The following IQCF3 variants were observed in gnomAD, a reference collection of about 807,000 sequenced individuals.
IQCF3 encodes IQ domain-containing protein F3.
A neutral mutation model predicts 5.1 loss-of-function variants in IQCF3; 7 were observed. The observed-to-expected ratio is 1.36, with a 90% CI of 0.78 to 2.56. The LOEUF is 2.56. IQCF3 is among the 30% of genes most tolerant of loss of function. The pLI, the probability that IQCF3 is intolerant of heterozygous loss-of-function variation, is 0.00. For missense variants in IQCF3, 189 were observed against 196.5 expected (o/e 0.96, Z 0.23); for synonymous variants, 82 against 72.8 (o/e 1.13, Z -0.64).
At chr3:51,827,648 AGTTTTG>A (rs1559721160), upstream of IQCF3, among the ~76,000 whole-genome samples, 1 of 151,460 alleles carries the variant, frequency 6.6e-6, no homozygotes, top group South Asian at 2.1e-4. Flanking sequence ...GGTGGTTTTT[AGTTTTG>A]GTTTTGGTTT....
At chr3:51,829,857 T>A in intron 2 of IQCF3, 145 bp downstream of exon 2, 4 of 794,444 alleles carry the variant, frequency 5.0e-6, no homozygotes, top group Non-Finnish European at 8.3e-6. Flanking sequence ...GAGTAAGGTA[T>A]GGAGATAGAC....
In IQCF3 at chr3:51,830,353, G is replaced by A; in HGVS notation, c.67-50G>A. On this transcript the variant is annotated intron_variant, in intron 2 of 2. Transcript: ENST00000440739. This position sits in a 1 kb window ranked among gnomAD's most constrained non-coding sequence, Gnocchi z 4.1. ...GGGCTGATTCTTTAGAGAACCACCT[G>A]TGCTTGATGGTGATAAATTCACTGG... 2 of 1,513,430 alleles carry A rather than the reference G, an allele frequency of 1.3e-6. No individual in the cohort carries two copies. The highest frequency in any genetic ancestry group is 1.4e-5 in the African/African-American group (1 of 71,690). 93.8% of individuals were successfully genotyped at this position (1,513,430 alleles called of 1,614,324 possible). A position where few individuals can be genotyped will look rare whatever the true frequency, so the allele number is the denominator to read the frequency against.
chr3:51,828,468 A>T (rs1458055489), upstream of IQCF3: 1 of 152,224 alleles, frequency 6.6e-6, no homozygotes, highest in Admixed American at 6.5e-5. Flanking sequence ...TATGTGATTA[A>T]TCACATTTTA....
At chr3:51,827,952 A>G (rs895283313), upstream of IQCF3, among the ~76,000 whole-genome samples, 4 of 152,254 alleles carry the variant, frequency 2.6e-5, no homozygotes, top group African/African-American at 7.2e-5. Context: ...CTAAGCCACT[A>G]TGAGTCCTGG....
At position 51,830,543 on chromosome 3, in the gene IQCF3, G is replaced by T; in HGVS notation, c.207G>T (p.Thr69=). The T allele has an allele frequency of 6.2e-7, 1 of 1,614,004 alleles. No individual in the cohort carries two copies. Among genetic ancestry groups the T allele is most frequent in the Non-Finnish European group, 8.5e-7 (1 of 1,179,884 alleles). Residue 69 remains threonine, a synonymous_variant, in exon 3 of 3, where the codon ACG becomes ACT. Coordinates refer to ENST00000440739, the MANE Select transcript of IQCF3 (RefSeq NM_001393887.1). This position sits in a 1 kb window ranked among gnomAD's most constrained non-coding sequence, Gnocchi z 4.1. ...GGATGATTCAGTGCTGGTGGAGGAC[G>T]TTGGTGCAGAGACGGATCCGTCAGC... ...RAWMIQCWWR[T]LVQRRIRQRR...
In IQCF3 at chr3:51,830,025, G is replaced by A. The variant is rs979166507; in HGVS notation, c.66+313G>A. Among the ~76,000 whole-genome samples, 8 of 152,170 alleles carry A rather than the reference G, an allele frequency of 5.3e-5. No homozygotes were observed. The highest frequency in any genetic ancestry group is 7.2e-5 in the African/African-American group (3 of 41,418). On this transcript the variant is annotated intron_variant, in intron 2 of 2. Transcript: ENST00000440739. The surrounding 1 kb of genome is among the most constrained non-coding windows in gnomAD (Gnocchi z 4.1). Reference sequence around the variant, plus strand: ...AGACCCCAAAGGGCTGCAGCACCACGCAAGACATTAGGAGGCAGCATCATG... The same window carrying A: ...AGACCCCAAAGGGCTGCAGCACCACACAAGACATTAGGAGGCAGCATCATG...
upstream of IQCF3, chr3:51,828,360 TTA>T (rs1417446170): frequency 1.1e-4 from 16 of 152,192 alleles, no homozygotes; most frequent in African/African-American, 3.6e-4. Flanking sequence ...AGTACCTAGT[TTA>T]TTGAGAGTTT....
At position 51,830,717 on chromosome 3, in the gene IQCF3, C is replaced by T. The variant is rs1189401996; in HGVS notation, c.381C>T (p.Ala127=). The change falls in exon 3 of 3, where the codon GCC becomes GCT. Residue 127 remains alanine (A), a synonymous_variant. Coordinates refer to ENST00000440739, the MANE Select transcript of IQCF3 (RefSeq NM_001393887.1). The surrounding 1 kb of genome is among the most constrained non-coding windows in gnomAD (Gnocchi z 4.1). ...TCCAGGTCCCAGAGAGCAGCCTTGCCTTCCAGACTGATGGCTTTTTACAGG... is the reference window on the plus strand; with the variant it reads ...TCCAGGTCCCAGAGAGCAGCCTTGCTTTCCAGACTGATGGCTTTTTACAGG... ...CLFQVPESSL[A]FQTDGFLQVQ... is the part of the protein sequence containing the mutation. 1 of 1,613,712 alleles carries T rather than the reference C, an allele frequency of 6.2e-7. No homozygotes were observed. The highest frequency in any genetic ancestry group is 1.7e-5 in the Admixed American group (1 of 59,992).
rs763868886 is a variant in IQCF3 at position 51,830,805 on chromosome 3, G to T, written c.*4G>T. 22 of 1,561,182 alleles carry T rather than the reference G, an allele frequency of 1.4e-5. No individual in the cohort carries two copies. Among genetic ancestry groups the T allele is most frequent in the Non-Finnish European group, 1.8e-5 (21 of 1,151,498 alleles). On this transcript the variant is annotated 3_prime_UTR_variant, in exon 3 of 3. Transcript: ENST00000440739. This position sits in a 1 kb window ranked among gnomAD's most constrained non-coding sequence, Gnocchi z 4.1. ...CATTGAAATCCTATCAATCTGAAAGGCCTGGGGCATGGAGAACAGGCTGCA... is the reference window on the plus strand; with the variant it reads ...CATTGAAATCCTATCAATCTGAAAGTCCTGGGGCATGGAGAACAGGCTGCA...
chr3:51,830,554 G>A lies in IQCF3; in HGVS notation c.218G>A (p.Arg73Lys), dbSNP rs942174617. 2 of 1,613,914 alleles carry A rather than the reference G, an allele frequency of 1.2e-6. No homozygotes were observed. Among genetic ancestry groups the A allele is most frequent in the East Asian group, 2.2e-5 (1 of 44,894 alleles). Reference protein sequence around the residue: ...IQCWWRTLVQRRIRQRRQALL... With the variant: ...IQCWWRTLVQKRIRQRRQALL... The stretch of plus-strand genomic sequence containing the variant: ...TGCTGGTGGAGGACGTTGGTGCAGA[G>A]ACGGATCCGTCAGCGGCGGCAGGCC... Residue 73 changes from arginine to lysine, a missense_variant, in exon 3 of 3, where the codon AGA becomes AAA. Physicochemically the swap from Arg to Lys is conservative, Grantham distance 26. Transcript: ENST00000440739. This position sits in a 1 kb window ranked among gnomAD's most constrained non-coding sequence, Gnocchi z 4.1.
At chr3:51,827,413 A>T (rs1443105461), upstream of IQCF3, 1 of 152,192 alleles carries the variant, frequency 6.6e-6, no homozygotes, top group Non-Finnish European at 1.5e-5. Context: ...TAGGAGAAAT[A>T]TACAGAAGAG....
At chr3:51,827,241 G>A (rs1698297676), upstream of IQCF3, 1 of 152,164 alleles carries the variant, frequency 6.6e-6, no homozygotes, top group East Asian at 1.9e-4. Flanking sequence ...AATGATGGAA[G>A]CCCTGAATGC....
At position 51,829,686 on chromosome 3, in the gene IQCF3, G is replaced by T. The variant is rs762845969; in HGVS notation, c.40G>T (p.Ala14Ser). ...GCAGAAAGGTGGTCCAGATGAAGAT[G>T]CAGTAGAAAGACAGAGGCGGCAGAA... ...KCCKGGPDED[A>S]VERQRRQKLL... The change falls in exon 2 of 3, where the codon GCA becomes TCA. Residue 14 changes from alanine (A) to serine (S), a missense_variant. Transcript: ENST00000440739. The T allele has an allele frequency of 1.2e-6, 2 of 1,613,906 alleles. No homozygotes were observed. Among genetic ancestry groups the T allele is most frequent in the South Asian group, 1.1e-5 (1 of 91,008 alleles).
rs1698347392 is a variant in IQCF3, at chr3:51,830,217, T to G, written c.67-186T>G. ...AGTCCACAGATCAAACATATCCCGA[T>G]TTCATAGATGAGGGCACTGGGACTG... On this transcript the variant is annotated intron_variant, in intron 2 of 2. Transcript: ENST00000440739. The surrounding 1 kb of genome is among the most constrained non-coding windows in gnomAD (Gnocchi z 4.1). Among the ~76,000 whole-genome samples, 1 of 152,108 alleles carries G rather than the reference T, an allele frequency of 6.6e-6. No homozygotes were observed. Among genetic ancestry groups the G allele is most frequent in the Non-Finnish European group, 1.5e-5 (1 of 68,014 alleles).
chr3:51,829,714 T>C lies in IQCF3; in HGVS notation c.66+2T>C. On this transcript the variant is annotated splice_donor_variant, in intron 2 of 2. Transcript: ENST00000440739. LOFTEE classifies it high-confidence loss of function. ...GTAGAAAGACAGAGGCGGCAGAAGG[T>C]AGGTGGGGCCCAGGAGGGTGAGAGA... 1 of 1,613,490 alleles carries C rather than the reference T, an allele frequency of 6.2e-7. No homozygotes were observed. The highest frequency in any genetic ancestry group is 8.5e-7 in the Non-Finnish European group (1 of 1,179,712).
upstream of IQCF3, chr3:51,829,132 A>G (rs912130350): frequency 6.9e-6 from 2 of 288,040 alleles, no homozygotes; most frequent in East Asian, 1.5e-4. Context: ...TTAGAAAACT[A>G]CAAAAGCAGA....
At chr3:51,827,275 C>T (rs1698298120), upstream of IQCF3, 1 of 152,044 alleles carries the variant, frequency 6.6e-6, no homozygotes, top group African/African-American at 2.4e-5. Flanking sequence ...AACTGTGATG[C>T]TATAATCATA....
At chr3:51,829,398 C>A (rs1698333320), upstream of IQCF3, 1 of 1,524,722 alleles carries the variant, frequency 6.6e-7, no homozygotes, top group East Asian at 2.4e-5. Context: ...CCATCTCTTT[C>A]TCCACCTTTC....
At chr3:51,829,584 A>C in intron 1 of IQCF3, 81 bp from the exon 2 acceptor site, 2 of 1,594,932 alleles carry the variant, frequency 1.3e-6, no homozygotes, top group Non-Finnish European at 1.7e-6. Flanking sequence ...CCAGGCAAAG[A>C]ATGGGGAACT....
Sources: allele counts gnomAD v4.1 joint callset (sites outside exome capture counted in the v4.1 genomes callset), GRCh38; gene constraint gnomAD v4.1.1; non-coding constraint Gnocchi (gnomAD v3.1); transcripts MANE v1.5; gene names NCBI Gene and HGNC (gene_info 2026-07-23, HGNC 2026-07-21).